The following ZNF536 variants were observed in gnomAD, a reference collection of about 807,000 sequenced individuals.
ZNF536 encodes the protein zinc finger protein 536.
A neutral mutation model predicts 84.5 loss-of-function variants in ZNF536; 13 were observed. The observed-to-expected ratio is 0.15, with a 90% CI of 0.10 to 0.24. The LOEUF is 0.24. Ranked by LOEUF, ZNF536 falls within the 10% of genes least tolerant of loss-of-function variation. The probability of loss-of-function intolerance (pLI) is 1.00; values close to 1 mark genes in which losing one functional copy is unlikely to be tolerated. For missense variants in ZNF536, 1,536 were observed against 1,747.5 expected (o/e 0.88, Z 2.16); for synonymous variants, 811 against 742.5 (o/e 1.09, Z -1.50).
At chr19:30,368,685 T>A (rs1307544491), upstream of ZNF536, among the ~76,000 whole-genome samples, 1 of 152,224 alleles carries the variant, frequency 6.6e-6, no homozygotes. Flanking sequence ...GCCACACAAG[T>A]TATGAGTTGG....
At chr19:30,362,883 AC>A (rs1464619305) in intron 3 of ZNF536, among the ~76,000 whole-genome samples, 5 of 151,798 alleles carry the variant, frequency 3.3e-5, no homozygotes, top group Non-Finnish European at 5.9e-5. Flanking sequence ...ATAAGGTAAA[AC>A]CCCGTCTCTA....
rs532641393 is a variant in ZNF536, at chr19:30,326,708, G to T, written c.-119-25660G>T. 1.1e-3 allele frequency among the ~76,000 whole-genome samples: 154 copies of T among 144,348 alleles called. 1 individual carries two copies. Among genetic ancestry groups the T allele is most frequent in the Non-Finnish European group, 1.9e-3 (123 of 66,484 alleles). 94.7% of individuals were successfully genotyped at this position (144,348 alleles called of 152,430 possible). A position where few individuals can be genotyped will look rare whatever the true frequency, so the allele number is the denominator to read the frequency against. ...TGTGCCTCCCCATCTCTGGCACAAAGAAGAGAAGGATTTGCTGTACAAATG... is the reference window on the plus strand; with the variant it reads ...TGTGCCTCCCCATCTCTGGCACAAATAAGAGAAGGATTTGCTGTACAAATG... On this transcript the variant is annotated intron_variant, in intron 2 of 5. Transcript: ENST00000585628.
intron 1 of ZNF536, among the ~76,000 whole-genome samples, chr19:30,401,636 AC>A (rs2050050812): frequency 6.6e-6 from 1 of 152,266 alleles, no homozygotes; most frequent in Non-Finnish European, 1.5e-5. Context: ...TGGGGTAAAA[AC>A]CGTAAGTAAA....
intron 1 of ZNF536, among the ~76,000 whole-genome samples, chr19:30,243,919 A>G (rs2024103251): frequency 6.6e-6 from 1 of 152,222 alleles, no homozygotes; most frequent in South Asian, 2.1e-4. Flanking sequence ...TGCAATTTGT[A>G]TTCAAGAGAT....
intron 2 of ZNF536, among the ~76,000 whole-genome samples, chr19:30,314,240 T>G (rs1283205791): frequency 6.6e-6 from 1 of 152,080 alleles, no homozygotes; most frequent in Non-Finnish European, 1.5e-5. Context: ...GAGCTGCAGG[T>G]GCACCATGGT....
chr19:30,633,696 AT>A (rs59981322), intron 1 of ZNF536, among the ~76,000 whole-genome samples: 57 of 152,282 alleles, frequency 3.7e-4, no homozygotes, highest in African/African-American at 1.3e-3. Context: ...ATTGTCACAA[AT>A]TATATTAGAT....
chr19:30,470,934 T>A (rs2053607213), intron 2 of ZNF536, among the ~76,000 whole-genome samples: 1 of 151,872 alleles, frequency 6.6e-6, no homozygotes, highest in Admixed American at 6.6e-5. Flanking sequence ...ACAATCTGCC[T>A]GCCTCAGCTT....
In ZNF536 at chr19:30,444,393, C is replaced by T; in HGVS notation, c.831C>T (p.Thr277=). 6.2e-7 allele frequency: 1 copy of T among 1,606,868 alleles called. No individual in the cohort carries two copies. Among genetic ancestry groups the T allele is most frequent in the South Asian group, 1.1e-5 (1 of 91,088 alleles). ...CCCCGGCGGCGGGCTTCCGCTGTAC[C>T]TTCTGCAAGGGCAAGTTCAAGAAGC... The part of the protein sequence containing the change: ...AVAPAAGFRC[T]FCKGKFKKRE... The change falls in exon 2 of 5, where the codon ACC becomes ACT. Residue 277 remains threonine, a synonymous_variant. Transcript: ENST00000355537.
At chr19:30,474,619 G>C (rs2053772679) in intron 2 of ZNF536, among the ~76,000 whole-genome samples, 1 of 152,046 alleles carries the variant, frequency 6.6e-6, no homozygotes, top group African/African-American at 2.4e-5. Context: ...CCCTGAAGTG[G>C]TACATTAAAG....
At chr19:30,487,759 A>T (rs1180461580) in intron 2 of ZNF536, among the ~76,000 whole-genome samples, 1 of 152,218 alleles carries the variant, frequency 6.6e-6, no homozygotes, top group Non-Finnish European at 1.5e-5. Context: ...CTGGCATTCT[A>T]TAGAAAATGA....
chr19:30,645,077 G>T (rs1400633311), intron 1 of ZNF536, among the ~76,000 whole-genome samples: 13 of 152,158 alleles, frequency 8.5e-5, no homozygotes. Flanking sequence ...GTGTGAGATG[G>T]TATCTCATTG....
chr19:30,350,437 A>G (rs1425149397), intron 2 of ZNF536, among the ~76,000 whole-genome samples: 1 of 152,252 alleles, frequency 6.6e-6, no homozygotes, highest in African/African-American at 2.4e-5. Flanking sequence ...AAAATAAATC[A>G]TGCATAATGC....
intron 1 of ZNF536, among the ~76,000 whole-genome samples, chr19:30,242,570 C>G (rs1284131651): frequency 6.6e-6 from 1 of 152,202 alleles, no homozygotes; most frequent in East Asian, 1.9e-4. Flanking sequence ...GAAATCTCCA[C>G]AAAGCAGGGT....
chr19:30,622,983 C>G (rs947840340), intron 1 of ZNF536, among the ~76,000 whole-genome samples: 1 of 148,936 alleles, frequency 6.7e-6, no homozygotes, highest in Non-Finnish European at 1.5e-5. Flanking sequence ...AACAGCAGCT[C>G]TCTGTCCTTC....
At chr19:30,241,295 A>G (rs559112826) in intron 1 of ZNF536, among the ~76,000 whole-genome samples, 1 of 152,348 alleles carries the variant, frequency 6.6e-6, no homozygotes, top group African/African-American at 2.4e-5. Flanking sequence ...AGCCTAGGTG[A>G]CACGGCGAGA....
chr19:30,453,911 T>C (rs2052721573), intron 2 of ZNF536, among the ~76,000 whole-genome samples: 1 of 152,232 alleles, frequency 6.6e-6, no homozygotes, highest in Non-Finnish European at 1.5e-5. Context: ...ACATGTGGCA[T>C]GTGTCTGGGA....
At chr19:30,538,646 C>G (rs1313055601) in intron 3 of ZNF536, among the ~76,000 whole-genome samples, 1 of 152,152 alleles carries the variant, frequency 6.6e-6, no homozygotes, top group Admixed American at 6.5e-5. Context: ...GCTGCAGGAT[C>G]TCGGGAGTCC....
rs116304763 is a variant in ZNF536, at chr19:30,388,116, C to G, written c.-3+15560C>G. Reference sequence around the variant, plus strand: ...CAGGATATAAGTACTGGGAGAAACACGAGGGGAAAAGAAAAGACAAGGGTG... The same window carrying G: ...CAGGATATAAGTACTGGGAGAAACAGGAGGGGAAAAGAAAAGACAAGGGTG... On this transcript the variant is annotated intron_variant, in intron 1 of 4. Transcript: ENST00000355537. 5.9e-3 allele frequency among the ~76,000 whole-genome samples: 898 copies of G among 152,144 alleles called. 8 individuals are homozygous for G. The highest frequency in any genetic ancestry group is 0.02 in the African/African-American group (819 of 41,518).
At position 30,234,767 on chromosome 19, in the gene ZNF536, A is replaced by G. The variant is rs1379878980; in HGVS notation, c.-190+6094A>G. Among the ~76,000 whole-genome samples the G allele has an allele frequency of 3.5e-3, 507 of 144,546 alleles. 4 individuals are homozygous for G. The highest frequency in any genetic ancestry group is 0.013 in the African/African-American group (484 of 37,204). The allele number at this position is 144,546 out of a possible 152,430, so 94.8% of individuals were successfully genotyped here. A position where few individuals can be genotyped will look rare whatever the true frequency, so the allele number is the denominator to read the frequency against. On this transcript the variant is annotated intron_variant, in intron 1 of 5. Transcript: ENST00000585628. ...ATTACACACACACACACACACACAC[A>G]CACACACGCGCACACGCACCCCACA...
Sources: gnomAD v4.1 joint callset for allele counts (sites outside exome capture counted in the v4.1 genomes callset) on GRCh38, gnomAD v4.1.1 for gene constraint, MANE v1.5 for transcripts, NCBI Gene and HGNC (gene_info 2026-07-23, HGNC 2026-07-21) for gene names.